Variants in SAMD13 observed in about 807,000 individuals in gnomAD.
The protein encoded by SAMD13 is sterile alpha motif domain containing 13, also known as sterile alpha motif domain-containing protein 13.
In SAMD13, 9 loss-of-function variants were observed where a neutral mutation model predicts 12.4. That is an observed-to-expected ratio of 0.72 (90% CI 0.44 to 1.26). The LOEUF is 1.26. SAMD13 is among the 50% of genes most tolerant of loss of function. The probability of loss-of-function intolerance (pLI) is 0.00; values close to 1 mark genes in which losing one functional copy is unlikely to be tolerated. For synonymous variants in SAMD13, 46 were observed against 45.4 expected (o/e 1.01, Z -0.05); for missense variants, 84 against 119.6 (o/e 0.70, Z 1.39).
chr1:84,345,362 T>C, intron 3 of SAMD13: 2 of 386,658 alleles, frequency 5.2e-6, no homozygotes, highest in South Asian at 3.9e-5. Context: ...AATTGGTGTT[T>C]GAGAATGTTT....
chr1:84,349,708 T>A lies in SAMD13; in HGVS notation c.243T>A (p.Ala81=). Residue 81 remains alanine (A), a synonymous_variant, in exon 4 of 4, where the codon GCT becomes GCA. Coordinates refer to ENST00000394834, the MANE Select transcript of SAMD13 (RefSeq NM_001134663.2). Reference sequence around the variant, plus strand: ...GACTTCAGTTAAAATTGGGGCCTGCTCTGAAAATCTACGAATATCATGTAA... The same window carrying A: ...GACTTCAGTTAAAATTGGGGCCTGCACTGAAAATCTACGAATATCATGTAA... ...LTGLQLKLGP[A]LKIYEYHVKP... 1 of 1,613,982 alleles carries A rather than the reference T, an allele frequency of 6.2e-7. No homozygotes were observed. Among genetic ancestry groups the A allele is most frequent in the Non-Finnish European group, 8.5e-7 (1 of 1,179,890 alleles).
upstream of SAMD13, chr1:84,301,695 T>G: frequency 3.0e-6 from 3 of 985,442 alleles, no homozygotes; most frequent in Non-Finnish European, 3.6e-6. Context: ...AAATTGTACC[T>G]CCTTATTGAA....
intron 3 of SAMD13, among the ~76,000 whole-genome samples, chr1:84,331,454 A>C (rs1679184817): frequency 6.6e-6 from 1 of 152,086 alleles, no homozygotes; most frequent in African/African-American, 2.4e-5. Flanking sequence ...TCACAAATTG[A>C]GAATAACTTG....
chr1:84,350,382 A>G lies in SAMD13; in HGVS notation c.*608A>G, dbSNP rs1000852093. ...GCAGAATCATAGCTCTGAAAAGAGA[A>G]GCTCCGTTGTGTACTGAGGATATCC... On this transcript the variant is annotated 3_prime_UTR_variant, in exon 4 of 4. Coordinates refer to ENST00000394834, the MANE Select transcript of SAMD13 (RefSeq NM_001134663.2). The G allele has an allele frequency of 1.3e-5, 2 of 152,268 alleles. No homozygotes were observed. Among genetic ancestry groups the G allele is most frequent in the African/African-American group, 4.8e-5 (2 of 41,454 alleles). 9.4% of individuals were successfully genotyped at this position (152,268 alleles called of 1,614,324 possible).
intron 2 of SAMD13, among the ~76,000 whole-genome samples, chr1:84,319,827 G>A (rs1450084613): frequency 6.6e-6 from 1 of 152,132 alleles, no homozygotes. Context: ...ATTTGCCTGA[G>A]GGAAGATACC....
At chr1:84,298,889 T>C (rs965418457), upstream of SAMD13, among the ~76,000 whole-genome samples, 4 of 151,802 alleles carry the variant, frequency 2.6e-5, no homozygotes, top group Non-Finnish European at 5.9e-5. Flanking sequence ...CACCCTCCAC[T>C]TTCCAAAGAC....
At chr1:84,303,434 C>G in intron 2 of SAMD13, 147 bp downstream of exon 2, 2 of 573,404 alleles carry the variant, frequency 3.5e-6, no homozygotes, top group Admixed American at 3.0e-5. Flanking sequence ...CCCTTCTCCC[C>G]CCTACCCCAG....
At chr1:84,339,661 G>A (rs1161505253) in intron 3 of SAMD13, among the ~76,000 whole-genome samples, 1 of 152,206 alleles carries the variant, frequency 6.6e-6, no homozygotes, top group Non-Finnish European at 1.5e-5. Flanking sequence ...GCTTGCTCAT[G>A]CATGCCAGCA....
At chr1:84,308,469 A>C (rs1485330041) in intron 2 of SAMD13, among the ~76,000 whole-genome samples, 1 of 152,182 alleles carries the variant, frequency 6.6e-6, no homozygotes, top group Non-Finnish European at 1.5e-5. Flanking sequence ...AGACATTGCC[A>C]AATGTTCCCT....
chr1:84,336,700 C>CA (rs1169808766), intron 3 of SAMD13, among the ~76,000 whole-genome samples: 4 of 152,208 alleles, frequency 2.6e-5, no homozygotes, highest in African/African-American at 9.7e-5. Flanking sequence ...CACATCCTCA[C>CA]ATTTCAAAAC....
At chr1:84,317,618 T>C (rs760770366) in intron 2 of SAMD13, among the ~76,000 whole-genome samples, 1 of 152,112 alleles carries the variant, frequency 6.6e-6, no homozygotes, top group Non-Finnish European at 1.5e-5. Context: ...TTGAGGATTT[T>C]TACATCTATG....
At chr1:84,340,289 A>G (rs1487869745) in intron 3 of SAMD13, among the ~76,000 whole-genome samples, 2 of 152,250 alleles carry the variant, frequency 1.3e-5, no homozygotes, top group Non-Finnish European at 2.9e-5. Flanking sequence ...CGACATGGAT[A>G]AACATTGAAA....
At chr1:84,299,655 G>GTTTATA, upstream of SAMD13, 1 of 891,360 alleles carries the variant, frequency 1.1e-6, no homozygotes, top group Non-Finnish European at 1.5e-6. Flanking sequence ...GTGAGTACTA[G>GTTTATA]TGTATATATA....
chr1:84,316,683 G>T (rs1203614750), intron 2 of SAMD13, among the ~76,000 whole-genome samples: 1 of 151,976 alleles, frequency 6.6e-6, no homozygotes, highest in Non-Finnish European at 1.5e-5. Flanking sequence ...TTTTCAAATT[G>T]TTTTGGCTAT....
upstream of SAMD13, chr1:84,301,697 C>A (rs185824685): frequency 4.7e-5 from 46 of 985,342 alleles, no homozygotes; most frequent in African/African-American, 6.6e-4. Context: ...ATTGTACCTC[C>A]TTATTGAATT....
At chr1:84,332,567 A>G (rs1380851015) in intron 3 of SAMD13, among the ~76,000 whole-genome samples, 1 of 151,988 alleles carries the variant, frequency 6.6e-6, no homozygotes, top group Non-Finnish European at 1.5e-5. Flanking sequence ...TTTGCCCAAT[A>G]TGTAATGGGT....
chr1:84,313,527 C>CA (rs1444506844), intron 2 of SAMD13, among the ~76,000 whole-genome samples: 2 of 151,968 alleles, frequency 1.3e-5, no homozygotes, highest in Non-Finnish European at 2.9e-5. Context: ...TGAAAAATGT[C>CA]TTTTTCCCCC....
intron 2 of SAMD13, among the ~76,000 whole-genome samples, chr1:84,307,922 C>A (rs183659689): frequency 6.6e-6 from 1 of 152,134 alleles, no homozygotes; most frequent in Admixed American, 6.6e-5. Flanking sequence ...AAGGTTTGTT[C>A]CCCTGCCTCA....
chr1:84,349,860 A>G lies in SAMD13; in HGVS notation c.*86A>G. The G allele has an allele frequency of 1.3e-6, 2 of 1,512,288 alleles. No homozygotes were observed. Among genetic ancestry groups the G allele is most frequent in the Admixed American group, 2.1e-5 (1 of 46,816 alleles). The allele number at this position is 1,512,288 out of a possible 1,614,324, so 93.7% of individuals were successfully genotyped here. On this transcript the variant is annotated 3_prime_UTR_variant, in exon 4 of 4. Coordinates refer to ENST00000394834, the MANE Select transcript of SAMD13 (RefSeq NM_001134663.2). ...TAATGAAACTTTGTAAACAGAATAC[A>G]TACATGTGTATATGTAAAGAATTTC...
Sources: gnomAD v4.1 joint callset for allele counts (sites outside exome capture counted in the v4.1 genomes callset) on GRCh38, gnomAD v4.1.1 for gene constraint, MANE v1.5 for transcripts, NCBI Gene and HGNC (gene_info 2026-07-23, HGNC 2026-07-21) for gene names.